The following TNIP3 variants were observed in gnomAD, a reference collection of about 807,000 sequenced individuals.
TNIP3 encodes TNFAIP3 interacting protein 3, also known as TNFAIP3-interacting protein 3.
A neutral mutation model predicts 54.1 loss-of-function variants in TNIP3; 34 were observed. The observed-to-expected ratio is 0.63, with a 90% CI of 0.48 to 0.84. The LOEUF is 0.84. Ranked by LOEUF, TNIP3 falls within the 40% of genes least tolerant of loss-of-function variation. The pLI is 0.00. For missense variants in TNIP3, 366 were observed against 387.6 expected, an observed-to-expected ratio of 0.94 and a Z score of 0.47; for synonymous variants, 134 against 136.8, an observed-to-expected ratio of 0.98 and a Z score of 0.14.
chr4:121,142,256 A>G (rs1186198410), intron 8 of TNIP3, among the ~76,000 whole-genome samples: 1 of 152,226 alleles, frequency 6.6e-6, no homozygotes, highest in Non-Finnish European at 1.5e-5. Flanking sequence ...GTTTTCTTAA[A>G]TTGTAGCCAG....
At chr4:121,159,750 T>C (rs1730333184) in intron 2 of TNIP3, among the ~76,000 whole-genome samples, 1 of 152,258 alleles carries the variant, frequency 6.6e-6, no homozygotes, top group African/African-American at 2.4e-5. Flanking sequence ...TAAGACTATC[T>C]GCTAATTAGA....
intron 6 of TNIP3, among the ~76,000 whole-genome samples, chr4:121,149,707 G>A (rs536132287): frequency 7.2e-5 from 11 of 152,290 alleles, no homozygotes; most frequent in Admixed American, 2.0e-4. Context: ...CGGAAGTTGC[G>A]GTGAGCGGAG....
chr4:121,209,536 G>A (rs971770811), intron 2 of TNIP3, among the ~76,000 whole-genome samples: 1 of 152,140 alleles, frequency 6.6e-6, no homozygotes, highest in African/African-American at 2.4e-5. Flanking sequence ...GGGTATAATG[G>A]ATGCTTAAAT....
intron 2 of TNIP3, among the ~76,000 whole-genome samples, chr4:121,189,213 C>T (rs1183381840): frequency 4.6e-5 from 7 of 152,190 alleles, no homozygotes; most frequent in Admixed American, 2.0e-4. Context: ...TCCACACACT[C>T]GCCTACCTCA....
At chr4:121,144,650 C>T (rs886607947) in intron 7 of TNIP3, among the ~76,000 whole-genome samples, 1 of 152,234 alleles carries the variant, frequency 6.6e-6, no homozygotes. Flanking sequence ...GATCTGCCCG[C>T]CTTGGCCTCC....
chr4:121,135,479 C>G (rs1728727580), intron 10 of TNIP3, among the ~76,000 whole-genome samples: 1 of 152,230 alleles, frequency 6.6e-6, no homozygotes, highest in South Asian at 2.1e-4. Flanking sequence ...CTCACCGCAA[C>G]CTTGGCCTCC....
chr4:121,186,741 G>GTT (rs962031707), intron 2 of TNIP3, among the ~76,000 whole-genome samples: 4 of 152,144 alleles, frequency 2.6e-5, no homozygotes, highest in Non-Finnish European at 4.4e-5. Context: ...TAACAAACAA[G>GTT]TTTGGAAAGT....
chr4:121,140,374 C>T (rs1349806897), intron 9 of TNIP3, among the ~76,000 whole-genome samples: 3 of 152,004 alleles, frequency 2.0e-5, no homozygotes, highest in African/African-American at 7.2e-5. Flanking sequence ...AAATGTAGGC[C>T]ATTCTACATG....
upstream of TNIP3, among the ~76,000 whole-genome samples, chr4:121,165,176 G>A (rs1346756392): frequency 6.6e-6 from 1 of 151,104 alleles, no homozygotes; most frequent in Non-Finnish European, 1.5e-5. Flanking sequence ...ATATATATAG[G>A]ATAAAGCCTA....
chr4:121,194,888 C>T (rs889420252), intron 2 of TNIP3, among the ~76,000 whole-genome samples: 3 of 152,082 alleles, frequency 2.0e-5, no homozygotes, highest in Non-Finnish European at 4.4e-5. Flanking sequence ...TTCTTCTCAG[C>T]AGGGTAGAGT....
intron 3 of TNIP3, among the ~76,000 whole-genome samples, chr4:121,176,190 T>G (rs1301688311): frequency 6.6e-6 from 1 of 152,204 alleles, no homozygotes; most frequent in African/African-American, 2.4e-5. Flanking sequence ...GAAAGATGCA[T>G]GGCTCATTTA....
intron 6 of TNIP3, among the ~76,000 whole-genome samples, chr4:121,149,252 G>A (rs1729599747): frequency 6.6e-6 from 1 of 152,178 alleles, no homozygotes; most frequent in Non-Finnish European, 1.5e-5. Context: ...TAGGTGAGTG[G>A]GGAGGAGAAT....
Position 121,195,173 on chromosome 4 carries a change from C to CA in TNIP3, c.69-12378dup, listed in dbSNP as rs368987300. ...GGGTGAAAAAGCAAACAAAACAAAA[C>CA]AAAAAAAAAACTTCTTAATTAAGTC... On this transcript the variant is annotated intron_variant, in intron 2 of 12. Coordinates refer to the TNIP3 transcript ENST00000507879. Among the ~76,000 whole-genome samples, 131 of 147,066 alleles carry CA rather than the reference C, an allele frequency of 8.9e-4. 2 individuals are homozygous for CA. Among genetic ancestry groups the CA allele is most frequent in the African/African-American group, 2.3e-3 (93 of 40,414 alleles).
intron 5 of TNIP3, 150 bp from the exon 6 acceptor site, chr4:121,150,369 A>T: frequency 2.2e-6 from 1 of 455,756 alleles, no homozygotes; most frequent in Non-Finnish European, 3.9e-6. Context: ...CTTCTTTCTG[A>T]TTTTCTCATA....
chr4:121,208,703 G>T (rs535418752), intron 2 of TNIP3, among the ~76,000 whole-genome samples: 3 of 152,154 alleles, frequency 2.0e-5, no homozygotes, highest in African/African-American at 7.2e-5. Flanking sequence ...GTTAAAAGTG[G>T]GTGTGATATA....
At chr4:121,141,221 G>T (rs1729098408) in intron 9 of TNIP3, among the ~76,000 whole-genome samples, 1 of 152,118 alleles carries the variant, frequency 6.6e-6, no homozygotes, top group South Asian at 2.1e-4. Flanking sequence ...GGAAAAAAAG[G>T]GTGCTTTGGG....
intron 2 of TNIP3, among the ~76,000 whole-genome samples, chr4:121,185,016 T>C (rs1399491742): frequency 5.9e-5 from 9 of 152,224 alleles, no homozygotes; most frequent in Non-Finnish European, 1.2e-4. Context: ...TCGGACCTAT[T>C]CTGAACCAGA....
intron 2 of TNIP3, among the ~76,000 whole-genome samples, chr4:121,206,326 T>C (rs1387603710): frequency 6.6e-6 from 1 of 152,160 alleles, no homozygotes; most frequent in Admixed American, 6.5e-5. Flanking sequence ...TTTGCATGCG[T>C]TATCTCATTT....
chr4:121,140,046 G>A (rs1729021868), intron 9 of TNIP3, among the ~76,000 whole-genome samples: 1 of 152,118 alleles, frequency 6.6e-6, no homozygotes, highest in Non-Finnish European at 1.5e-5. Flanking sequence ...GAAAATGTAG[G>A]CCATTCTGGC....
Sources: gnomAD v4.1 joint callset for allele counts (sites outside exome capture counted in the v4.1 genomes callset) on GRCh38, gnomAD v4.1.1 for gene constraint, MANE v1.5 for transcripts, NCBI Gene and HGNC (gene_info 2026-07-23, HGNC 2026-07-21) for gene names.